Variants in CLDN20 observed in about 807,000 individuals in gnomAD.
CLDN20 encodes claudin-20.
For missense variants in CLDN20, 258 were observed against 267.9 expected (o/e 0.96, Z 0.26); for synonymous variants, 104 against 103.6 (o/e 1.00, Z -0.03).
chr6:155,270,258 G>A (rs186597483), intron 1 of CLDN20, among the ~76,000 whole-genome samples: 36 of 152,284 alleles, frequency 2.4e-4, no homozygotes, highest in Non-Finnish European at 5.0e-4. Context: ...CATCAGTGAC[G>A]CCAAGTCAGC....
intron 1 of CLDN20, among the ~76,000 whole-genome samples, chr6:155,271,928 C>T (rs1784937803): frequency 6.6e-6 from 1 of 152,170 alleles, no homozygotes; most frequent in Admixed American, 6.5e-5. Context: ...CCCTTCCCCG[C>T]CTCTCCTTTC....
Position 155,276,223 on chromosome 6 carries a change from C to A in CLDN20, c.504C>A (p.Phe168Leu), listed in dbSNP as rs1391123602. The change falls in exon 2 of 2, where the codon TTC (phenylalanine) becomes TTA (leucine). Residue 168 changes from phenylalanine to leucine, a missense_variant. Phe to Leu is a conservative substitution (Grantham distance 22). Coordinates refer to ENST00000367165, the MANE Select transcript of CLDN20 (RefSeq NM_001001346.3). ...HEPGGAIYIG[F>L]ISAMLLFISG... ...CTGGAGGAGCTATCTATATCGGATT[C>A]ATTTCTGCAATGCTGTTGTTTATCT... 1.2e-6 allele frequency: 2 copies of A among 1,614,114 alleles called. No homozygotes were observed. Among genetic ancestry groups the A allele is most frequent in the East Asian group, 2.2e-5 (1 of 44,874 alleles).
At chr6:155,272,799 C>G (rs1377283115) in intron 1 of CLDN20, among the ~76,000 whole-genome samples, 4 of 152,144 alleles carry the variant, frequency 2.6e-5, no homozygotes, top group African/African-American at 9.7e-5. Context: ...ATTGTTTACA[C>G]TGATTTTGGC....
intron 1 of CLDN20, among the ~76,000 whole-genome samples, chr6:155,266,036 T>C (rs1784619285): frequency 1.3e-5 from 2 of 152,026 alleles, no homozygotes; most frequent in Non-Finnish European, 2.9e-5. Context: ...GCTGATTAGA[T>C]GGTGCCCACC....
In CLDN20 at chr6:155,276,474, A is replaced by C. The variant is rs1785227095; in HGVS notation, c.*95A>C. 6 of 1,106,132 alleles carry C rather than the reference A, an allele frequency of 5.4e-6. No individual in the cohort carries two copies. The highest frequency in any genetic ancestry group is 7.7e-6 in the Non-Finnish European group (6 of 777,896). 68.5% of individuals were successfully genotyped at this position (1,106,132 alleles called of 1,614,324 possible). On this transcript the variant is annotated 3_prime_UTR_variant, in exon 2 of 2. Coordinates refer to ENST00000367165, the MANE Select transcript of CLDN20 (RefSeq NM_001001346.3). The stretch of plus-strand genomic sequence containing the variant: ...AGAATTATGCTTAACTTTCCCTACA[A>C]AGAAAGTAGAATGTAAAATACTTTA...
intron 1 of CLDN20, among the ~76,000 whole-genome samples, chr6:155,271,543 T>C (rs1441792743): frequency 8.5e-5 from 13 of 152,200 alleles, no homozygotes; most frequent in East Asian, 1.9e-4. Context: ...TTTTCTTTTA[T>C]TGAAAAAAAT....
intron 1 of CLDN20, among the ~76,000 whole-genome samples, chr6:155,273,985 T>G (rs117653067): frequency 0.014 from 2,146 of 152,350 alleles, 23 homozygotes; most frequent in Non-Finnish European, 0.024. Flanking sequence ...ATGTCAATTT[T>G]AAATTACTGA....
In CLDN20 at chr6:155,276,067, T is replaced by C. The variant is rs141640357; in HGVS notation, c.348T>C (p.His116=). The change falls in exon 2 of 2, where the codon CAT becomes CAC. Residue 116 remains histidine (H), a synonymous_variant. Transcript: ENST00000367165. ...RLGGDRETKS[H]ASFAGGVCFM... ...GAGGGGACAGAGAAACCAAGAGCCA[T>C]GCTTCCTTTGCTGGAGGAGTCTGTT... 2.2e-5 allele frequency: 35 copies of C among 1,614,072 alleles called. No homozygotes were observed. Among genetic ancestry groups the C allele is most frequent in the African/African-American group, 2.7e-5 (2 of 74,920 alleles).
At chr6:155,264,620 T>C (rs1301780236) in intron 1 of CLDN20, among the ~76,000 whole-genome samples, 1 of 152,214 alleles carries the variant, frequency 6.6e-6, no homozygotes, top group African/African-American at 2.4e-5. Flanking sequence ...TTTTTCTTCC[T>C]ACAGATCTTT....
chr6:155,275,566 T>C (rs1014664), intron 1 of CLDN20, 50 bp from the exon 2 acceptor site: 53,598 of 730,142 alleles, frequency 0.073, 2,788 homozygotes, highest in East Asian at 0.19. Context: ...GGAAGCCTTT[T>C]GTTTACTTAC....
At chr6:155,274,870 A>G (rs1785094192) in intron 1 of CLDN20, among the ~76,000 whole-genome samples, 1 of 152,254 alleles carries the variant, frequency 6.6e-6, no homozygotes, top group South Asian at 2.1e-4. Flanking sequence ...CATCTTTAAA[A>G]GGTGGCCTTA....
At chr6:155,272,033 C>A (rs1784943912) in intron 1 of CLDN20, among the ~76,000 whole-genome samples, 1 of 152,102 alleles carries the variant, frequency 6.6e-6, no homozygotes, top group Admixed American at 6.5e-5. Context: ...TCTACGTTGT[C>A]CTTTATTTGC....
chr6:155,266,846 CAAAAAAAAA>C, intron 1 of CLDN20, among the ~76,000 whole-genome samples: 1 of 62,840 alleles, frequency 1.6e-5, no homozygotes, highest in East Asian at 5.1e-4. Context: ...GACTCCGTCT[CAAAAAAAAA>C]AAAAAAAAAA....
chr6:155,267,273 C>A (rs1179009868), intron 1 of CLDN20, among the ~76,000 whole-genome samples: 3 of 152,186 alleles, frequency 2.0e-5, no homozygotes, highest in Non-Finnish European at 4.4e-5. Flanking sequence ...CCACACCTGG[C>A]CGTAGAATAT....
chr6:155,276,127 A>T lies in CLDN20; in HGVS notation c.408A>T (p.Thr136=). ...MSAGISSLIS[T]VWYTKEIIAN... ...CAGGAATCTCTAGTTTAATCTCGAC[A>T]GTGTGGTACACAAAGGAGATCATAG... is the stretch of plus-strand genomic sequence containing the variant. The change falls in exon 2 of 2, where the codon ACA becomes ACT. Residue 136 remains threonine, a synonymous_variant. Transcript: ENST00000367165. 1 of 1,614,212 alleles carries T rather than the reference A, an allele frequency of 6.2e-7. No homozygotes were observed. The highest frequency in any genetic ancestry group is 8.5e-7 in the Non-Finnish European group (1 of 1,180,040).
At chr6:155,265,541 T>C (rs1015147554) in intron 1 of CLDN20, among the ~76,000 whole-genome samples, 3 of 151,634 alleles carry the variant, frequency 2.0e-5, no homozygotes, top group African/African-American at 7.3e-5. Flanking sequence ...GTCAAATCAC[T>C]TTAAATTTGT....
intron 1 of CLDN20, among the ~76,000 whole-genome samples, chr6:155,264,957 G>A (rs1257651422): frequency 6.6e-6 from 1 of 152,160 alleles, no homozygotes; most frequent in African/African-American, 2.4e-5. Context: ...AGCACAAATG[G>A]AACAAGAACT....
chr6:155,272,693 A>G (rs1237322882), intron 1 of CLDN20, among the ~76,000 whole-genome samples: 1 of 152,104 alleles, frequency 6.6e-6, no homozygotes, highest in Non-Finnish European at 1.5e-5. Context: ...TTGGAGAACA[A>G]ATTCTTTCTA....
In CLDN20 at chr6:155,275,623, T is replaced by A; in HGVS notation, c.-97T>A. The A allele has an allele frequency of 8.1e-7, 1 of 1,239,182 alleles. No individual in the cohort carries two copies. The highest frequency in any genetic ancestry group is 1.1e-6 in the Non-Finnish European group (1 of 883,240). 76.8% of individuals were successfully genotyped at this position (1,239,182 alleles called of 1,614,324 possible). ...TTTGCCTTTTTTCCTTAGGCTTTGT[T>A]ATTTGGTTCTCTACTGCACAGAAAT... On this transcript the variant is annotated 5_prime_UTR_variant, in exon 2 of 2. An upstream open reading frame in the 5' UTR gains an earlier in-frame stop. Transcript: ENST00000367165.
Sources: gnomAD v4.1 joint callset for allele counts (sites outside exome capture counted in the v4.1 genomes callset) on GRCh38, gnomAD v4.1.1 for gene constraint, MANE v1.5 for transcripts, NCBI Gene and HGNC (gene_info 2026-07-23, HGNC 2026-07-21) for gene names.